DAPK2: variants seen among roughly 807,000 people sequenced by gnomAD.
DAPK2 encodes the protein death associated protein kinase 2, also known as death-associated protein kinase 2.
In DAPK2, 35 loss-of-function variants were observed where a neutral mutation model predicts 44.1. The ratio of observed to expected loss-of-function variants is 0.79; its 90% confidence interval spans 0.61 to 1.05. The LOEUF is 1.05. Ranked by LOEUF, DAPK2 falls within the 50% of genes least tolerant of loss-of-function variation. The pLI, the probability that DAPK2 is intolerant of heterozygous loss-of-function variation, is 0.00. For missense variants in DAPK2, 453 were observed against 483.2 expected (o/e 0.94, Z 0.59); for synonymous variants, 174 against 182.6 (o/e 0.95, Z 0.38).
exon 2 of DAPK2, chr15:63,983,623 ACCTCCCGCTCGATCT>A: frequency 6.2e-7 from 1 of 1,613,868 alleles, no homozygotes; most frequent in Non-Finnish European, 8.5e-7. Context: ...CAGGATGCTC[ACCTCCCGCTCGATCT>A]CCTCCCGGCT....
At chr15:64,003,012 GTGTC>G (rs1262230131) in intron 1 of DAPK2, among the ~76,000 whole-genome samples, 1 of 148,576 alleles carries the variant, frequency 6.7e-6, no homozygotes, top group Admixed American at 6.8e-5. Context: ...GTGTGTGTGT[GTGTC>G]GTGGGACCAG....
upstream of DAPK2, among the ~76,000 whole-genome samples, chr15:64,043,940 G>A (rs2080403298): frequency 6.6e-6 from 1 of 152,144 alleles, no homozygotes; most frequent in Non-Finnish European, 1.5e-5. Flanking sequence ...CCTTTCTCAA[G>A]GCCGCTACTC....
exon 1 of DAPK2, chr15:64,040,234 T>A (rs753893356): frequency 1.9e-6 from 3 of 1,614,034 alleles, no homozygotes; most frequent in Non-Finnish European, 2.5e-6. Flanking sequence ...GGCTCCATGT[T>A]TGGACTCCTC....
At chr15:63,957,891 C>T (rs1350724820) in intron 3 of DAPK2, among the ~76,000 whole-genome samples, 3 of 152,108 alleles carry the variant, frequency 2.0e-5, no homozygotes, top group Admixed American at 6.5e-5. Context: ...ATGGCTGGGT[C>T]AAATGGTATT....
In DAPK2 at chr15:63,999,610, G is replaced by A. The variant is rs12441539; in HGVS notation, c.93-15856C>T. Among the ~76,000 whole-genome samples, 212 of 152,136 alleles carry A rather than the reference G, an allele frequency of 1.4e-3. 1 individual carries two copies. The highest frequency in any genetic ancestry group is 0.012 in the Admixed American group (183 of 15,288). On this transcript the variant is annotated intron_variant, in intron 1 of 10. Coordinates refer to ENST00000261891, the Ensembl canonical transcript of DAPK2. ...TTTTAAAACTTTTTAGCAGAATAAT[G>A]TACACAAACATGGCTAAGTAAAAAT...
rs145942061 is a variant in DAPK2 at position 63,969,596 on chromosome 15, C to G, written c.453+1827G>C. On this transcript the variant is annotated intron_variant, in intron 3 of 10. Transcript: ENST00000261891. ...CCTCTACAAAAAATACAAAAATTAG[C>G]CAGGTATGGTGGCACACGCCTTTAG... 8.4e-3 allele frequency among the ~76,000 whole-genome samples: 1,284 copies of G among 152,138 alleles called. 26 individuals carry two copies. The highest frequency in any genetic ancestry group is 0.029 in the African/African-American group (1,213 of 41,496).
At chr15:63,927,863 G>A (rs1253745624) in intron 6 of DAPK2, among the ~76,000 whole-genome samples, 1 of 151,940 alleles carries the variant, frequency 6.6e-6, no homozygotes, top group African/African-American at 2.4e-5. Flanking sequence ...TCCTGCCTCA[G>A]CCTCCCAAGT....
At position 64,020,792 on chromosome 15, in the gene DAPK2, A is replaced by T. The variant is rs2079659446; in HGVS notation, c.92+19378T>A. On this transcript the variant is annotated intron_variant, in intron 1 of 10. Transcript: ENST00000261891. The surrounding 1 kb of genome is among the most constrained non-coding windows in gnomAD (Gnocchi z 4.5). ...AGGAATAAATCAAAAGGGAAAGGAT[A>T]GGTAACTTGGTGTGATACCAAATGC... Among the ~76,000 whole-genome samples the T allele has an allele frequency of 6.6e-6, 1 of 152,206 alleles. No individual in the cohort carries two copies. Among genetic ancestry groups the T allele is most frequent in the Admixed American group, 6.5e-5 (1 of 15,280 alleles).
chr15:64,046,266 G>A lies in DAPK2; in HGVS notation c.-7+32C>T. 1 of 955,084 alleles carries A rather than the reference G, an allele frequency of 1.0e-6. No individual in the cohort carries two copies. 59.2% of individuals were successfully genotyped at this position (955,084 alleles called of 1,614,324 possible). On this transcript the variant is annotated intron_variant, in intron 1 of 11. Transcript: ENST00000457488. This position sits in a 1 kb window ranked among gnomAD's most constrained non-coding sequence, Gnocchi z 5.3. ...GCCGTCAGGCCGCGCGCCCCGTCCC[G>A]CCCATCGAGCCCGCAGACGGGTGCT...
chr15:63,991,844 G>A (rs959796086), intron 1 of DAPK2, among the ~76,000 whole-genome samples: 1 of 152,150 alleles, frequency 6.6e-6, no homozygotes. Context: ...GCACATGTAG[G>A]CTAAGTACCA....
intron 1 of DAPK2, among the ~76,000 whole-genome samples, chr15:63,995,816 C>T (rs2078937469): frequency 6.6e-6 from 1 of 152,286 alleles, no homozygotes; most frequent in East Asian, 1.9e-4. Context: ...CCAGGGTGGG[C>T]CACAGCTGTG....
In DAPK2 at chr15:63,955,576, C is replaced by T. The variant is rs75762129; in HGVS notation, c.453+15847G>A. Among the ~76,000 whole-genome samples, 657 of 152,080 alleles carry T rather than the reference C, an allele frequency of 4.3e-3. 3 individuals are homozygous for T. The highest frequency in any genetic ancestry group is 0.015 in the African/African-American group (626 of 41,478). The stretch of plus-strand genomic sequence containing the variant: ...GGTATTAGTTCTTTGTTGTTGTTGT[C>T]GTCATTGTTTGAGACAGGGTCTCAC... On this transcript the variant is annotated intron_variant, in intron 3 of 10. Transcript: ENST00000261891.
chr15:64,033,381 C>A (rs925095722), intron 1 of DAPK2, among the ~76,000 whole-genome samples: 1 of 151,624 alleles, frequency 6.6e-6, no homozygotes, highest in Non-Finnish European at 1.5e-5. Context: ...CCGCCTCGGC[C>A]TCCGAAAGTG....
Position 63,943,113 on chromosome 15 carries a change from C to CAA in DAPK2, c.454-3754_454-3753dup, listed in dbSNP as rs5813266. Among the ~76,000 whole-genome samples, 660 of 144,944 alleles carry CAA rather than the reference C, an allele frequency of 4.6e-3. 1 individual carries two copies. The highest frequency in any genetic ancestry group is 0.011 in the African/African-American group (416 of 39,454). On this transcript the variant is annotated intron_variant, in intron 3 of 10. Coordinates refer to ENST00000261891, the Ensembl canonical transcript of DAPK2. ...ATGGTGGGTGTTATCATTCCTTTTG[C>CAA]AAAAAAAAAAAAAGAAGAAACCAAG...
chr15:64,030,956 G>A (rs1298841191), intron 1 of DAPK2, among the ~76,000 whole-genome samples: 5 of 145,546 alleles, frequency 3.4e-5, no homozygotes, highest in Admixed American at 7.0e-5. Context: ...AACAGAGCAA[G>A]ACCCTGTCTC....
chr15:63,958,568 A>G (rs1187122824), intron 3 of DAPK2, among the ~76,000 whole-genome samples: 1 of 152,246 alleles, frequency 6.6e-6, no homozygotes, highest in Non-Finnish European at 1.5e-5. Flanking sequence ...AGCTTTCTAC[A>G]TATAGCTAGC....
intron 1 of DAPK2, among the ~76,000 whole-genome samples, chr15:64,019,969 T>C (rs2079638437): frequency 1.3e-5 from 2 of 152,340 alleles, no homozygotes; most frequent in South Asian, 4.1e-4. Context: ...CTAGCCATGT[T>C]GCTAAAAACA....
chr15:64,040,162 T>A lies in DAPK2; in HGVS notation c.92+8A>T, dbSNP rs369658855. The A allele has an allele frequency of 6.2e-7, 1 of 1,611,108 alleles. No individual in the cohort carries two copies. On this transcript the variant is annotated splice_region_variant and intron_variant, in intron 1 of 10. Coordinates refer to ENST00000261891, the Ensembl canonical transcript of DAPK2. ...CGGCATCCCCCCACCTCTCACACAG[T>A]CTCCTACCTCCCCAGCTCCTCTCCG...
chr15:63,910,899 G>A (rs1368027956), intron 10 of DAPK2: 1 of 152,174 alleles, frequency 6.6e-6, no homozygotes, highest in African/African-American at 2.4e-5. Context: ...AACGCTTACT[G>A]AGCACTTACA....
Sources: gnomAD v4.1 joint callset for allele counts (sites outside exome capture counted in the v4.1 genomes callset) on GRCh38, gnomAD v4.1.1 for gene constraint, Gnocchi (gnomAD v3.1) non-coding constraint, MANE v1.5 for transcripts, NCBI Gene and HGNC (gene_info 2026-07-23, HGNC 2026-07-21) for gene names.